Variants in SCN1A observed in about 807,000 individuals in gnomAD.
SCN1A encodes sodium voltage-gated channel alpha subunit 1.
In SCN1A, 13 loss-of-function variants were observed where a neutral mutation model predicts 193.7. The observed-to-expected ratio is 0.07, with a 90% confidence interval of 0.04 to 0.11. The LOEUF (loss-of-function observed/expected upper bound fraction) is 0.11. Among genes scored for constraint, SCN1A ranks in the 10% least tolerant of loss-of-function variants. The pLI is 1.00. For synonymous variants in SCN1A, 781 were observed against 843.6 expected (o/e 0.93, Z 1.29); for missense variants, 1,432 against 2,451.1 (o/e 0.58, Z 8.78).
intron 2 of SCN1A, among the ~76,000 whole-genome samples, chr2:166,119,815 A>C (rs2106239664): frequency 6.6e-6 from 1 of 152,220 alleles, no homozygotes; most frequent in South Asian, 2.1e-4. Flanking sequence ...TTTAAACTAA[A>C]TTTACTATTT....
At position 166,041,261 on chromosome 2, in the gene SCN1A, A is replaced by C. The variant is rs1334303970; in HGVS notation, c.2385T>G (p.His795Gln). The change falls in exon 16 of 29, where the codon CAT (histidine) becomes CAG (glutamine). Residue 795 changes from histidine to glutamine, a missense_variant. His to Gln is a conservative substitution (Grantham distance 24). Around this residue, in one of 18 missense-constraint regions of SCN1A, gnomAD observed 93 missense variants for 260.4 expected, o/e 0.36. Coordinates refer to ENST00000674923, the MANE Select transcript of SCN1A (RefSeq NM_001165963.4). ...MAMEHYPMTD[H>Q]FNNVLTVGNL... ...TTCCTACTGTAAGCACATTATTGAA[A>C]TGGTCCGTCATTGGATAGTGCTCCA... is the stretch of plus-strand genomic sequence containing the variant. The C allele has an allele frequency of 1.9e-6, 3 of 1,613,550 alleles. No individual in the cohort carries two copies. The Admixed American group carries it at 5.0e-5, about 27-fold the overall frequency.
chr2:165,994,215 G>T lies in SCN1A; in HGVS notation c.4783C>A (p.Leu1595Ile), dbSNP rs756238700. The change falls in exon 28 of 29, where the codon CTA becomes ATA. Residue 1595 changes from leucine to isoleucine, a missense_variant. Physicochemically the swap from Leu to Ile is conservative, Grantham distance 5. Transcript: ENST00000674923. The part of the protein sequence containing the change: ...TGECVLKLIS[L>I]RHYYFTIGWN... ...CCAATGGTAAAATAATAATGGCGTA[G>T]AGAGATGAGTTTCAGTACACACTCT... The T allele has an allele frequency of 6.2e-6, 10 of 1,612,628 alleles. No homozygotes were observed. Among genetic ancestry groups the T allele is most frequent in the African/African-American group, 1.3e-5 (1 of 74,834 alleles).
chr2:166,034,112 ATT>A (rs60971346), intron 19 of SCN1A, among the ~76,000 whole-genome samples: 110,627 of 151,530 alleles, frequency 0.73, 40,627 homozygotes, highest in East Asian at 0.89. Context: ...AAAACAGTCT[ATT>A]TTTTTTTTGT....
chr2:166,026,103 G>A (rs1211346880), intron 19 of SCN1A, among the ~76,000 whole-genome samples: 5 of 151,674 alleles, frequency 3.3e-5, no homozygotes, highest in African/African-American at 1.2e-4. Flanking sequence ...TCCAGTATAT[G>A]GTTACTTTTA....
chr2:166,087,149 C>T lies in SCN1A; in HGVS notation c.-141-9348G>A, dbSNP rs181161893. 2.0e-4 allele frequency among the ~76,000 whole-genome samples: 30 copies of T among 147,322 alleles called. No individual in the cohort carries two copies. The East Asian group carries it at 3.4e-3, about 17-fold the overall frequency. Reference sequence around the variant, plus strand: ...CGAGTGAGTCCTTGCTCTGTTAGTTCTCATGAGAACTGGTTGAAAAAAAAA... The same window carrying T: ...CGAGTGAGTCCTTGCTCTGTTAGTTTTCATGAGAACTGGTTGAAAAAAAAA... On this transcript the variant is annotated intron_variant, in intron 2 of 28. Transcript: ENST00000674923.
intron 2 of SCN1A, among the ~76,000 whole-genome samples, chr2:166,095,606 G>A (rs1246459510): frequency 3.9e-5 from 6 of 152,034 alleles, no homozygotes; most frequent in Non-Finnish European, 1.5e-5. Flanking sequence ...AGCCTTATTG[G>A]TTCTACCAAA....
At chr2:166,105,206 A>G (rs997976287) in intron 2 of SCN1A, among the ~76,000 whole-genome samples, 2 of 152,236 alleles carry the variant, frequency 1.3e-5, no homozygotes, top group Admixed American at 6.5e-5. Flanking sequence ...GAGTTTAAAA[A>G]GGTTAAAAAG....
At chr2:166,143,555 G>T (rs1353004983) in intron 1 of SCN1A, among the ~76,000 whole-genome samples, 1 of 152,152 alleles carries the variant, frequency 6.6e-6, no homozygotes, top group African/African-American at 2.4e-5. Context: ...AAACAAAAAT[G>T]TTGAGACCTT....
intron 2 of SCN1A, among the ~76,000 whole-genome samples, chr2:166,099,723 C>A (rs1687823127): frequency 5.4e-5 from 1 of 18,360 alleles, no homozygotes; most frequent in African/African-American, 2.4e-4. Context: ...CAACAACAGA[C>A]AAACAGAGAG....
chr2:166,126,642 G>A (rs182953863), intron 2 of SCN1A, among the ~76,000 whole-genome samples: 50 of 152,262 alleles, frequency 3.3e-4, no homozygotes, highest in Admixed American at 7.9e-4. Context: ...GAAATACCAC[G>A]TGAACCTGTA....
chr2:166,029,549 T>C (rs989376408), intron 19 of SCN1A, among the ~76,000 whole-genome samples: 22 of 152,208 alleles, frequency 1.4e-4, no homozygotes, highest in African/African-American at 4.6e-4. Flanking sequence ...CCTTAACCCA[T>C]ATAACGTAAG....
chr2:166,058,448 G>T, intron 5 of SCN1A, 122 bp downstream of exon 5: 1 of 594,212 alleles, frequency 1.7e-6, no homozygotes, highest in Non-Finnish European at 3.0e-6. Flanking sequence ...TGACAAAGAT[G>T]CAAAATGAGA....
chr2:166,076,899 C>T (rs1414841954), intron 3 of SCN1A, among the ~76,000 whole-genome samples: 1 of 150,666 alleles, frequency 6.6e-6, no homozygotes, highest in Non-Finnish European at 1.5e-5. Context: ...AAATGGATCA[C>T]AAATCTAAAT....
chr2:166,028,825 C>G (rs145879889), intron 19 of SCN1A, among the ~76,000 whole-genome samples: 1 of 152,182 alleles, frequency 6.6e-6, no homozygotes, highest in East Asian at 1.9e-4. Flanking sequence ...TATCTGCCCT[C>G]GTCGGTTCAC....
intron 19 of SCN1A, among the ~76,000 whole-genome samples, chr2:166,034,140 A>G (rs1696022162): frequency 6.6e-6 from 1 of 152,138 alleles, no homozygotes; most frequent in African/African-American, 2.4e-5. Flanking sequence ...ATCTATTTCC[A>G]TAGACATGGA....
chr2:166,064,399 G>A (rs557222), intron 4 of SCN1A, among the ~76,000 whole-genome samples: 105,322 of 152,004 alleles, frequency 0.69, 36,699 homozygotes, highest in East Asian at 0.81. Context: ...CCTAATGGTT[G>A]TAAAAAATCA....
chr2:165,990,486 A>C lies in SCN1A; in HGVS notation c.*759T>G, dbSNP rs1230076146. 3.3e-5 allele frequency: 5 copies of C among 152,502 alleles called. No individual in the cohort carries two copies. Among genetic ancestry groups the C allele is most frequent in the Admixed American group, 3.3e-4 (5 of 15,258 alleles). 9.4% of individuals were successfully genotyped at this position (152,502 alleles called of 1,614,324 possible). On this transcript the variant is annotated 3_prime_UTR_variant, in exon 29 of 29. Coordinates refer to ENST00000674923, the MANE Select transcript of SCN1A (RefSeq NM_001165963.4). Reference sequence around the variant, plus strand: ...TTTATGACTCCAAACATTTGAATGAAGTTTGCACCTGCTAAGATTTACTGG... The same window carrying C: ...TTTATGACTCCAAACATTTGAATGACGTTTGCACCTGCTAAGATTTACTGG...
At chr2:166,004,417 T>C (rs1691373997) in intron 23 of SCN1A, among the ~76,000 whole-genome samples, 1 of 151,532 alleles carries the variant, frequency 6.6e-6, no homozygotes, top group Non-Finnish European at 1.5e-5. Flanking sequence ...TCACATTACC[T>C]GTCTCACATT....
At chr2:166,089,982 C>A (rs1686600123) in intron 2 of SCN1A, among the ~76,000 whole-genome samples, 1 of 150,408 alleles carries the variant, frequency 6.6e-6, no homozygotes, top group South Asian at 2.1e-4. Flanking sequence ...CTCCGTAGGT[C>A]CTATACAAAC....
Sources: gnomAD v4.1 joint callset for allele counts (sites outside exome capture counted in the v4.1 genomes callset) on GRCh38, gnomAD v4.1.1 for gene constraint, gnomAD v4.1.1 regional missense constraint, MANE v1.5 for transcripts, NCBI Gene and HGNC (gene_info 2026-07-23, HGNC 2026-07-21) for gene names.